The following SPAG17 variants were observed in gnomAD, a reference collection of about 807,000 sequenced individuals.
The protein encoded by SPAG17 is sperm associated antigen 17, also known as sperm-associated antigen 17.
Under a neutral mutation model 273.6 loss-of-function variants are expected in SPAG17, and 169 were observed. That is an observed-to-expected ratio of 0.62 (90% confidence interval 0.55 to 0.70). The LOEUF (loss-of-function observed/expected upper bound fraction) is 0.70, where lower values mean the gene tolerates loss of function less well. Among genes scored for constraint, SPAG17 ranks in the 30% least tolerant of loss-of-function variants. SPAG17 has a pLI of 0.00. For synonymous variants in SPAG17, 825 were observed against 873.2 expected (o/e 0.94, Z 0.97); for missense variants, 2,557 against 2,627.8 (o/e 0.97, Z 0.59).
intron 3 of SPAG17, among the ~76,000 whole-genome samples, chr1:118,147,016 C>T (rs1570776341): frequency 1.3e-5 from 2 of 152,180 alleles, no homozygotes; most frequent in Non-Finnish European, 2.9e-5. Flanking sequence ...AATTCTTATA[C>T]ACTTTACCTG....
Position 117,991,420 on chromosome 1 carries a change from C to A in SPAG17, c.5470G>T (p.Val1824Phe), listed in dbSNP as rs144778959. The A allele has an allele frequency of 1.4e-5, 22 of 1,584,834 alleles. No homozygotes were observed. In the Admixed American group the frequency reaches 1.8e-4, roughly 13 times the overall value. ...RGNAADLLKLVMSFPKMEETT... is the reference protein window; with the variant it reads ...RGNAADLLKLFMSFPKMEETT... ...TATACAAGGCATTTTCTCACCATAACCAGCTTGAGGAGATCAGCAGCATTG... is the reference window on the plus strand; with the variant it reads ...TATACAAGGCATTTTCTCACCATAAACAGCTTGAGGAGATCAGCAGCATTG... The change falls in exon 37 of 49, where the codon GTT (valine) becomes TTT (phenylalanine). Residue 1824 changes from valine to phenylalanine, a missense_variant. Val to Phe is a conservative substitution (Grantham distance 50). Transcript: ENST00000336338.
chr1:117,956,486 T>A (rs1652212130), intron 48 of SPAG17, among the ~76,000 whole-genome samples: 1 of 152,190 alleles, frequency 6.6e-6, no homozygotes, highest in African/African-American at 2.4e-5. Context: ...AATTGATTAA[T>A]GTGGAGGTTA....
At chr1:118,153,922 A>T (rs1031765056) in intron 1 of SPAG17, among the ~76,000 whole-genome samples, 3 of 152,224 alleles carry the variant, frequency 2.0e-5, no homozygotes, top group African/African-American at 7.2e-5. Flanking sequence ...TTACTTTTTT[A>T]AAAATTATAA....
At chr1:118,054,683 C>A (rs1651451486) in intron 19 of SPAG17, among the ~76,000 whole-genome samples, 1 of 151,846 alleles carries the variant, frequency 6.6e-6, no homozygotes, top group African/African-American at 2.4e-5. Context: ...TAGAGGGCAG[C>A]CCTACCCATT....
At position 118,000,272 on chromosome 1, in the gene SPAG17, G is replaced by C. The variant is rs141533663; in HGVS notation, c.4777-3529C>G. ...CAGGTAGCATGATGCCTCCAGCTTT[G>C]TTCTTTTTGCTTAGGATTGTCTTGG... On this transcript the variant is annotated intron_variant, in intron 32 of 48. Coordinates refer to ENST00000336338, the MANE Select transcript of SPAG17 (RefSeq NM_206996.4). Among the ~76,000 whole-genome samples, 646 of 152,254 alleles carry C rather than the reference G, an allele frequency of 4.2e-3. 4 individuals carry two copies. The highest frequency in any genetic ancestry group is 0.015 in the African/African-American group (614 of 41,552).
chr1:118,027,166 ACTGT>A (rs1182019474), intron 26 of SPAG17, among the ~76,000 whole-genome samples: 1 of 152,166 alleles, frequency 6.6e-6, no homozygotes, highest in Non-Finnish European at 1.5e-5. Flanking sequence ...CTCAGTGAAG[ACTGT>A]CTGAGTGGAA....
chr1:118,076,394 T>C (rs1654097335), intron 15 of SPAG17: 1 of 152,134 alleles, frequency 6.6e-6, no homozygotes, highest in Admixed American at 6.6e-5. Flanking sequence ...GAACGTTCCA[T>C]TTTGATTTAG....
At chr1:118,105,438 A>T (rs538214273) in intron 4 of SPAG17, among the ~76,000 whole-genome samples, 1 of 152,286 alleles carries the variant, frequency 6.6e-6, no homozygotes, top group East Asian at 1.9e-4. Context: ...AATGAAAATG[A>T]TGGATCACTG....
At chr1:117,997,434 GA>G (rs1320518563) in intron 32 of SPAG17, among the ~76,000 whole-genome samples, 1 of 151,590 alleles carries the variant, frequency 6.6e-6, no homozygotes, top group East Asian at 1.9e-4. Flanking sequence ...ACTTAGCAAA[GA>G]AAAAATAAGC....
At chr1:118,017,355 A>C (rs1660074813) in intron 28 of SPAG17, among the ~76,000 whole-genome samples, 1 of 152,092 alleles carries the variant, frequency 6.6e-6, no homozygotes. Context: ...GCATTCCAAC[A>C]TAAGGAACAT....
At chr1:117,995,755 A>C (rs1657584420) in intron 34 of SPAG17, among the ~76,000 whole-genome samples, 1 of 151,174 alleles carries the variant, frequency 6.6e-6, no homozygotes, top group African/African-American at 2.4e-5. Context: ...CACAGCACAT[A>C]GGTTTTGTAC....
chr1:118,110,479 G>T (rs1020372161), intron 4 of SPAG17, among the ~76,000 whole-genome samples: 5 of 152,150 alleles, frequency 3.3e-5, no homozygotes, highest in African/African-American at 1.2e-4. Context: ...TACTAGATCA[G>T]CCAATGCTAT....
intron 8 of SPAG17, among the ~76,000 whole-genome samples, chr1:118,092,686 C>A (rs1008949228): frequency 6.6e-6 from 1 of 152,170 alleles, no homozygotes; most frequent in African/African-American, 2.4e-5. Flanking sequence ...CTGTTTAGAT[C>A]AGGTGACCAA....
intron 4 of SPAG17, among the ~76,000 whole-genome samples, chr1:118,111,836 C>T (rs1656780259): frequency 6.6e-6 from 1 of 152,066 alleles, no homozygotes; most frequent in South Asian, 2.1e-4. Flanking sequence ...TCCTTCTCTT[C>T]AATTATAGTA....
intron 32 of SPAG17, 119 bp downstream of exon 32, chr1:118,005,295 G>A: frequency 1.3e-6 from 1 of 774,398 alleles, no homozygotes; most frequent in East Asian, 2.8e-5. Flanking sequence ...AGTATTGGCA[G>A]TAAGTGGATA....
At chr1:118,038,888 A>AC (rs1339383852) in intron 23 of SPAG17, among the ~76,000 whole-genome samples, 1 of 152,094 alleles carries the variant, frequency 6.6e-6, no homozygotes, top group Non-Finnish European at 1.5e-5. Flanking sequence ...AATGCACAAC[A>AC]CCAAGGGTAA....
chr1:117,971,313 T>C (rs1417879336), intron 45 of SPAG17, among the ~76,000 whole-genome samples: 1 of 152,208 alleles, frequency 6.6e-6, no homozygotes, highest in Admixed American at 6.5e-5. Context: ...TAAAGCAAAG[T>C]ATATGGTGGG....
intron 17 of SPAG17, among the ~76,000 whole-genome samples, chr1:118,070,406 C>A (rs1359451529): frequency 6.6e-6 from 1 of 152,030 alleles, no homozygotes; most frequent in East Asian, 1.9e-4. Context: ...GCAGTTAGGC[C>A]CCTGGATTCC....
chr1:118,048,478 C>G (rs1448549132), intron 20 of SPAG17, among the ~76,000 whole-genome samples: 1 of 152,100 alleles, frequency 6.6e-6, no homozygotes, highest in East Asian at 1.9e-4. Flanking sequence ...ATTAATGAAA[C>G]TAAGTTTGTT....
Sources: gnomAD v4.1 joint callset for allele counts (sites outside exome capture counted in the v4.1 genomes callset) on GRCh38, gnomAD v4.1.1 for gene constraint, MANE v1.5 for transcripts, NCBI Gene and HGNC (gene_info 2026-07-23, HGNC 2026-07-21) for gene names.